The following ST8SIA2 variants were observed in gnomAD, a reference collection of about 807,000 sequenced individuals.
The protein encoded by ST8SIA2 is ST8 alpha-N-acetyl-neuraminide alpha-2,8-sialyltransferase 2.
ST8SIA2 carries 22 observed loss-of-function variants against 37.6 expected under a neutral mutation model. That is an observed-to-expected ratio of 0.58 (90% CI 0.42 to 0.83). The LOEUF is 0.83. ST8SIA2 is among the 40% of genes least tolerant of loss of function. ST8SIA2 has a pLI of 0.00. For missense variants in ST8SIA2, 382 were observed against 484.7 expected (o/e 0.79, Z 1.99); for synonymous variants, 205 against 201.2 (o/e 1.02, Z -0.16).
chr15:92,460,439 G>A (rs547280064), intron 5 of ST8SIA2, among the ~76,000 whole-genome samples: 1 of 152,348 alleles, frequency 6.6e-6, no homozygotes, highest in South Asian at 2.1e-4. Context: ...ATGGGACGTA[G>A]TTAAGCCAAG....
At chr15:92,401,720 C>A (rs1178704884) in intron 1 of ST8SIA2, among the ~76,000 whole-genome samples, 2 of 148,568 alleles carry the variant, frequency 1.3e-5, no homozygotes, top group African/African-American at 5.0e-5. Flanking sequence ...TTCCCAGTGC[C>A]TTTTTTTTTT....
intron 3 of ST8SIA2, among the ~76,000 whole-genome samples, chr15:92,436,217 G>GGA: frequency 1.3e-5 from 2 of 151,966 alleles, no homozygotes; most frequent in Middle Eastern, 6.8e-3. Flanking sequence ...TAGGAGGTGG[G>GGA]CATATATTTT....
chr15:92,412,835 TTTTAGTA>T (rs915135473), intron 1 of ST8SIA2, among the ~76,000 whole-genome samples: 24 of 152,118 alleles, frequency 1.6e-4, no homozygotes, highest in African/African-American at 5.6e-4. Context: ...TTTTTTGTAT[TTTTAGTA>T]GGAATGGGCT....
chr15:92,416,182 A>G (rs2049585109), intron 1 of ST8SIA2, among the ~76,000 whole-genome samples: 1 of 132,036 alleles, frequency 7.6e-6, no homozygotes, highest in Non-Finnish European at 1.6e-5. Context: ...ACTGGCACTC[A>G]CCCTCAGGTG....
chr15:92,442,579 G>C (rs1385859290), intron 4 of ST8SIA2, among the ~76,000 whole-genome samples: 4 of 152,086 alleles, frequency 2.6e-5, no homozygotes, highest in Admixed American at 6.5e-5. Flanking sequence ...CCTAGAATTG[G>C]CCCCAGGACC....
intron 1 of ST8SIA2, among the ~76,000 whole-genome samples, chr15:92,425,092 ATTATCT>A (rs2049666017): frequency 1.8e-5 from 1 of 55,656 alleles, no homozygotes; most frequent in Non-Finnish European, 5.2e-5. Context: ...CACTCTATAA[ATTATCT>A]TTAGCAAATG....
chr15:92,444,628 T>G lies in ST8SIA2; in HGVS notation c.549-8T>G. 1.1e-5 allele frequency: 17 copies of G among 1,614,244 alleles called. No homozygotes were observed. The highest frequency in any genetic ancestry group is 1.4e-5 in the Non-Finnish European group (17 of 1,180,038). On this transcript the variant is annotated splice_polypyrimidine_tract_variant and splice_region_variant and intron_variant, in intron 4 of 5. Transcript: ENST00000268164. ...CCAAAAGGATCATGTTGCCTTTTTC[T>G]CCGGCAGGTGCAACCTGGCCCCAGT...
At chr15:92,459,354 C>G (rs187377475) in intron 5 of ST8SIA2, among the ~76,000 whole-genome samples, 6 of 152,280 alleles carry the variant, frequency 3.9e-5, no homozygotes, top group Middle Eastern at 3.4e-3. Context: ...CCAGCTCATT[C>G]CCAGCCTGGG....
intron 5 of ST8SIA2, 134 bp from the exon 6 acceptor site, chr15:92,463,966 G>A: frequency 1.6e-6 from 2 of 1,271,600 alleles, no homozygotes; most frequent in South Asian, 3.0e-5. Flanking sequence ...AGGGAACCAG[G>A]GATGTGTAGC....
At chr15:92,410,495 C>T (rs2049540773) in intron 1 of ST8SIA2, among the ~76,000 whole-genome samples, 1 of 152,210 alleles carries the variant, frequency 6.6e-6, no homozygotes, top group African/African-American at 2.4e-5. Flanking sequence ...CTTAGAGGAC[C>T]GTTGTGTCAC....
At chr15:92,453,404 C>A (rs1229731086) in intron 5 of ST8SIA2, among the ~76,000 whole-genome samples, 3 of 152,154 alleles carry the variant, frequency 2.0e-5, no homozygotes, top group African/African-American at 7.2e-5. Context: ...TTTGGGGTCT[C>A]AGAATTAGAA....
intron 1 of ST8SIA2, among the ~76,000 whole-genome samples, chr15:92,418,419 GC>G (rs2049604271): frequency 7.2e-6 from 1 of 139,636 alleles, no homozygotes; most frequent in Non-Finnish European, 1.5e-5. Flanking sequence ...CCATGATCAC[GC>G]CACTGCACTC....
At chr15:92,462,464 G>T (rs1321906227) in intron 5 of ST8SIA2, among the ~76,000 whole-genome samples, 1 of 152,192 alleles carries the variant, frequency 6.6e-6, no homozygotes, top group Admixed American at 6.5e-5. Context: ...AAATAAAGAA[G>T]TATTTGGGCT....
At chr15:92,419,471 C>G in intron 1 of ST8SIA2, among the ~76,000 whole-genome samples, 1 of 152,218 alleles carries the variant, frequency 6.6e-6, no homozygotes, top group Non-Finnish European at 1.5e-5. Context: ...GAAATACACC[C>G]TCCCACAGCA....
intron 1 of ST8SIA2, among the ~76,000 whole-genome samples, chr15:92,404,080 C>A (rs1220725320): frequency 1.3e-5 from 2 of 152,244 alleles, no homozygotes; most frequent in African/African-American, 4.8e-5. Flanking sequence ...ATAGCTCTAA[C>A]CTCCAGCAGA....
chr15:92,443,465 G>A (rs938914883), intron 4 of ST8SIA2, among the ~76,000 whole-genome samples: 1 of 152,148 alleles, frequency 6.6e-6, no homozygotes, highest in East Asian at 1.9e-4. Flanking sequence ...CTCTTAGTTT[G>A]CCCTCCAGTA....
chr15:92,409,775 G>A (rs2049536329), intron 1 of ST8SIA2, among the ~76,000 whole-genome samples: 1 of 152,242 alleles, frequency 6.6e-6, no homozygotes, highest in Admixed American at 6.5e-5. Context: ...AAGGCGTCAG[G>A]ACGGTTTCCT....
At chr15:92,439,925 G>A (rs1023710901) in intron 4 of ST8SIA2, among the ~76,000 whole-genome samples, 2 of 151,976 alleles carry the variant, frequency 1.3e-5, no homozygotes, top group African/African-American at 2.4e-5. Context: ...TCCTCTCCAG[G>A]AGTGCCCAGC....
At chr15:92,433,592 G>T (rs912255772) in intron 2 of ST8SIA2, among the ~76,000 whole-genome samples, 1 of 152,192 alleles carries the variant, frequency 6.6e-6, no homozygotes, top group South Asian at 2.1e-4. Flanking sequence ...CCCCGGGATC[G>T]ATTTCAACCT....
Sources: allele counts gnomAD v4.1 joint callset (sites outside exome capture counted in the v4.1 genomes callset), GRCh38; gene constraint gnomAD v4.1.1; transcripts MANE v1.5; gene names NCBI Gene and HGNC (gene_info 2026-07-23, HGNC 2026-07-21).